Variants in TOX observed in about 807,000 individuals in gnomAD.
TOX encodes thymocyte selection-associated high mobility group box protein TOX.
A neutral mutation model predicts 53.7 loss-of-function variants in TOX; 11 were observed. The observed-to-expected ratio is 0.20, with a 90% CI of 0.13 to 0.34. The LOEUF is 0.34. Ranked by LOEUF, TOX falls within the 10% of genes least tolerant of loss-of-function variation. The pLI is 1.00. For missense variants in TOX, 570 were observed against 664.6 expected, an observed-to-expected ratio of 0.86 and a Z score of 1.56; for synonymous variants, 225 against 245.3, an observed-to-expected ratio of 0.92 and a Z score of 0.77.
At chr8:59,093,086 G>C (rs1804653745) in intron 1 of TOX, among the ~76,000 whole-genome samples, 1 of 152,194 alleles carries the variant, frequency 6.6e-6, no homozygotes, top group African/African-American at 2.4e-5. Flanking sequence ...AACGTCACAA[G>C]ATGTATGAGC....
At chr8:59,016,783 CT>C (rs1814018453) in intron 1 of TOX, among the ~76,000 whole-genome samples, 1 of 152,200 alleles carries the variant, frequency 6.6e-6, no homozygotes, top group African/African-American at 2.4e-5. Context: ...ACAAAATAAG[CT>C]TAATAGATAT....
intron 1 of TOX, among the ~76,000 whole-genome samples, chr8:58,980,122 C>T (rs1813174456): frequency 1.3e-5 from 2 of 152,168 alleles, no homozygotes; most frequent in African/African-American, 4.8e-5. Context: ...TAGCTTAATA[C>T]AGCTGTTACA....
intron 1 of TOX, among the ~76,000 whole-genome samples, chr8:58,996,418 C>A (rs1813561958): frequency 6.6e-6 from 1 of 152,192 alleles, no homozygotes; most frequent in African/African-American, 2.4e-5. Context: ...ATCCTGCACA[C>A]AGATTAGATT....
intron 3 of TOX, among the ~76,000 whole-genome samples, chr8:58,932,663 C>T (rs1347051398): frequency 6.6e-6 from 1 of 152,126 alleles, no homozygotes; most frequent in East Asian, 1.9e-4. Flanking sequence ...CTGCATTATT[C>T]AATAAGCCAG....
intron 3 of TOX, among the ~76,000 whole-genome samples, chr8:58,921,267 A>C (rs1812070636): frequency 6.6e-6 from 1 of 152,234 alleles, no homozygotes; most frequent in African/African-American, 2.4e-5. Context: ...TTGATTACTG[A>C]TCTATTGACA....
chr8:58,939,448 C>T lies in TOX; in HGVS notation c.265G>A (p.Val89Ile), dbSNP rs1308303801. 3 of 1,614,058 alleles carry T rather than the reference C, an allele frequency of 1.9e-6. No homozygotes were observed. Among genetic ancestry groups the T allele is most frequent in the Non-Finnish European group, 2.5e-6 (3 of 1,180,034 alleles). The part of the protein sequence containing the change: ...PDHSLVHLNE[V>I]ESGYHSLCHP... ...CACAGAGAATGGTAACCAGACTCAA[C>T]TTCATTCAGGTGCACCAGCGAGTGG... Residue 89 changes from valine to isoleucine, a missense_variant, in exon 3 of 9, where the codon GTT becomes ATT. Physicochemically the swap from Val to Ile is conservative, Grantham distance 29. Coordinates refer to ENST00000361421, the MANE Select transcript of TOX (RefSeq NM_014729.3).
intron 1 of TOX, among the ~76,000 whole-genome samples, chr8:58,998,577 A>ATGTAATAAATTTATG (rs1813625799): frequency 0.054 from 3,791 of 70,284 alleles, 268 homozygotes; most frequent in Middle Eastern, 0.088. Flanking sequence ...AAATGTATAT[A>ATGTAATAAATTTATG]TAATAAATTT....
At position 58,828,300 on chromosome 8, in the gene TOX, T is replaced by G. The variant is rs577003247; in HGVS notation, c.925-1398A>C. On this transcript the variant is annotated intron_variant, in intron 5 of 8. Coordinates refer to ENST00000361421, the MANE Select transcript of TOX (RefSeq NM_014729.3). Reference sequence around the variant, plus strand: ...TCAACAGAATTATAACAGGACTGTATGAAATGAATGTGCTAATTTTTCTCC... The same window carrying G: ...TCAACAGAATTATAACAGGACTGTAGGAAATGAATGTGCTAATTTTTCTCC... Among the ~76,000 whole-genome samples the G allele has an allele frequency of 5.9e-4, 90 of 152,310 alleles. 1 individual carries two copies. Among genetic ancestry groups the G allele is most frequent in the African/African-American group, 1.5e-3 (61 of 41,578 alleles).
Position 58,851,457 on chromosome 8 carries a change from C to T in TOX, c.693+67G>A. ...TCGCATGGATGATATAAACTTGTAC[C>T]CAGCACAGGTCAAAGAAGGTGCCTA... On this transcript the variant is annotated intron_variant, in intron 4 of 8. Transcript: ENST00000361421. The surrounding 1 kb of genome is among the most constrained non-coding windows in gnomAD (Gnocchi z 4.4). 1 of 1,556,954 alleles carries T rather than the reference C, an allele frequency of 6.4e-7. No homozygotes were observed. The highest frequency in any genetic ancestry group is 8.8e-7 in the Non-Finnish European group (1 of 1,140,884).
rs1228506389 is a variant in TOX, at chr8:58,807,038, C to T, written c.*709G>A. 2 of 152,610 alleles carry T rather than the reference C, an allele frequency of 1.3e-5. No homozygotes were observed. Among genetic ancestry groups the T allele is most frequent in the Non-Finnish European group, 2.9e-5 (2 of 68,030 alleles). 9.5% of individuals were successfully genotyped at this position (152,610 alleles called of 1,614,324 possible). A position where few individuals can be genotyped will look rare whatever the true frequency, so the allele number is the denominator to read the frequency against. On this transcript the variant is annotated 3_prime_UTR_variant, in exon 9 of 9. Transcript: ENST00000361421. ...GTGATACAAAAAAGCAATTTTTCTG[C>T]AGTACAAAATAAATGTGTTTGCGCT...
At chr8:58,858,347 C>T (rs1179367125) in intron 3 of TOX, among the ~76,000 whole-genome samples, 1 of 152,232 alleles carries the variant, frequency 6.6e-6, no homozygotes, top group Non-Finnish European at 1.5e-5. Context: ...CATCCTTCCC[C>T]GTCCAACACA....
intron 3 of TOX, among the ~76,000 whole-genome samples, chr8:58,931,551 A>C (rs761822889): frequency 6.6e-6 from 1 of 152,190 alleles, no homozygotes; most frequent in Non-Finnish European, 1.5e-5. Flanking sequence ...TTTTGGTTTA[A>C]CTTTAATAAG....
At chr8:58,994,483 C>T (rs185663975) in intron 1 of TOX, among the ~76,000 whole-genome samples, 90 of 150,960 alleles carry the variant, frequency 6.0e-4, no homozygotes, top group Middle Eastern at 3.5e-3. Flanking sequence ...TTAGACCTGT[C>T]GGAAACTCCA....
chr8:58,948,489 T>TA (rs1019589452), intron 2 of TOX, among the ~76,000 whole-genome samples: 3 of 152,060 alleles, frequency 2.0e-5, no homozygotes, highest in African/African-American at 7.2e-5. Context: ...CTCCTTTGGC[T>TA]AAAAAAATCC....
Position 59,112,378 on chromosome 8 carries a change from T to G in TOX, c.102+6508A>C, listed in dbSNP as rs1048061204. 2.6e-5 allele frequency among the ~76,000 whole-genome samples: 4 copies of G among 152,246 alleles called. No individual in the cohort carries two copies. The East Asian group carries it at 5.8e-4, about 22-fold the overall frequency. ...ATTTCTAAGCAGTTTATAACTCAAC[T>G]GTTTTTAATCAGAAATTGCTCTTTG... On this transcript the variant is annotated intron_variant, in intron 1 of 8. Coordinates refer to ENST00000361421, the MANE Select transcript of TOX (RefSeq NM_014729.3).
At chr8:59,017,381 T>A (rs1270061192) in intron 1 of TOX, among the ~76,000 whole-genome samples, 1 of 152,198 alleles carries the variant, frequency 6.6e-6, no homozygotes. Flanking sequence ...CTTCTTCAGC[T>A]CTCTACAATA....
intron 3 of TOX, among the ~76,000 whole-genome samples, chr8:58,920,860 T>C (rs1280794049): frequency 6.6e-6 from 1 of 151,190 alleles, no homozygotes; most frequent in Non-Finnish European, 1.5e-5. Flanking sequence ...TAGAGCTCAA[T>C]ATATACTTGT....
intron 5 of TOX, 144 bp downstream of exon 5, chr8:58,837,936 TC>T (rs1810573853): frequency 3.0e-6 from 2 of 658,796 alleles, no homozygotes; most frequent in Admixed American, 5.8e-5. Context: ...TATGTGAACG[TC>T]TCAGAAAGTC....
intron 1 of TOX, among the ~76,000 whole-genome samples, chr8:59,000,510 AT>A (rs781163190): frequency 6.6e-6 from 1 of 152,186 alleles, no homozygotes; most frequent in Non-Finnish European, 1.5e-5. Flanking sequence ...AATTTTCATT[AT>A]ACTCATCTTT....
Sources: allele counts gnomAD v4.1 joint callset (sites outside exome capture counted in the v4.1 genomes callset), GRCh38; gene constraint gnomAD v4.1.1; non-coding constraint Gnocchi (gnomAD v3.1); transcripts MANE v1.5; gene names NCBI Gene and HGNC (gene_info 2026-07-23, HGNC 2026-07-21).